The following MYO16 variants were observed in gnomAD, a reference collection of about 807,000 sequenced individuals.
MYO16 encodes the protein unconventional myosin-XVI.
MYO16 carries 94 observed loss-of-function variants against 205.3 expected under a neutral mutation model. The observed-to-expected ratio is 0.46, with a 90% CI of 0.39 to 0.54. The LOEUF is 0.54. MYO16 is among the 20% of genes least tolerant of loss of function. MYO16 has a pLI of 0.00. For synonymous variants in MYO16, 988 were observed against 954.0 expected, an observed-to-expected ratio of 1.04 and a Z score of -0.66; for missense variants, 2,315 against 2,387.5, an observed-to-expected ratio of 0.97 and a Z score of 0.63.
At chr13:108,646,967 C>T (rs1880782310) in intron 1 of MYO16, among the ~76,000 whole-genome samples, 1 of 152,040 alleles carries the variant, frequency 6.6e-6, no homozygotes, top group South Asian at 2.1e-4. Flanking sequence ...TCAGCGAACA[C>T]TATATATATG....
chr13:108,935,742 C>T (rs941390028), intron 16 of MYO16, among the ~76,000 whole-genome samples: 7 of 151,732 alleles, frequency 4.6e-5, no homozygotes, highest in East Asian at 1.9e-4. Flanking sequence ...CTGTTCAGTA[C>T]GATGTTGGCT....
chr13:108,579,119 A>C, the MYO16 span, among the ~76,000 whole-genome samples: 4 of 152,262 alleles, frequency 2.6e-5, no homozygotes, highest in African/African-American at 9.6e-5. Flanking sequence ...TGGCATCTTC[A>C]AAGGCTGCTT....
chr13:108,758,662 T>G (rs377202999), intron 4 of MYO16, among the ~76,000 whole-genome samples: 1 of 152,170 alleles, frequency 6.6e-6, no homozygotes, highest in Non-Finnish European at 1.5e-5. Flanking sequence ...TAGATGACAG[T>G]GTATGTTTTA....
Position 109,052,426 on chromosome 13 carries a change from C to T in MYO16, c.2999C>T (p.Thr1000Ile), listed in dbSNP as rs1221684679. 1.2e-6 allele frequency: 2 copies of T among 1,612,106 alleles called. No homozygotes were observed. The highest frequency in any genetic ancestry group is 1.7e-5 in the Admixed American group (1 of 59,854). The change falls in exon 25 of 35, where the codon ACA becomes ATA. Residue 1000 changes from threonine (T) to isoleucine (I), a missense_variant. Physicochemically the swap from Thr to Ile is moderately conservative, Grantham distance 89. Around this residue, in one of 3 missense-constraint regions of MYO16, gnomAD observed 1,213 missense variants for 1,274.4 expected, o/e 0.95. Coordinates refer to ENST00000457511, the MANE Select transcript of MYO16 (RefSeq NM_001198950.3). ...TCTGCCCTGCTCAGTAAGAAAATGA[C>T]AGCTTCTTCAATTATTGGAGAAAAC... The part of the protein sequence containing the change: ...HKSALLSKKM[T>I]ASSIIGENKN...
chr13:109,204,408 C>A (rs1880519185), intron 34 of MYO16, among the ~76,000 whole-genome samples: 1 of 152,092 alleles, frequency 6.6e-6, no homozygotes, highest in African/African-American at 2.4e-5. Context: ...TGTTCCATGT[C>A]CACACTAATG....
chr13:108,734,812 G>T (rs1467952575), intron 4 of MYO16, among the ~76,000 whole-genome samples: 1 of 152,218 alleles, frequency 6.6e-6, no homozygotes, highest in Non-Finnish European at 1.5e-5. Context: ...CATGGTGTGG[G>T]CAGGGCCTCT....
At chr13:109,048,450 C>A (rs1213890500) in intron 24 of MYO16, 5 of 590,176 alleles carry the variant, frequency 8.5e-6, no homozygotes, top group Non-Finnish European at 1.6e-5. Context: ...ATATTTTAGA[C>A]CTTGTGCACC....
rs751811819 is a variant in MYO16, at chr13:108,727,459, C to T, written c.383C>T (p.Ala128Val). ...TTTTAGTGTGCTCGGTATGATAATGCCTTCATTGCAGAAATTCTGATTGAC... is the reference window on the plus strand; with the variant it reads ...TTTTAGTGTGCTCGGTATGATAATGTCTTCATTGCAGAAATTCTGATTGAC... ...LLHLCARYDN[A>V]FIAEILIDRG... The change falls in exon 4 of 35, where the codon GCC becomes GTC. Residue 128 changes from alanine to valine, a missense_variant. Transcript: ENST00000457511. The T allele has an allele frequency of 1.2e-6, 2 of 1,613,608 alleles. No individual in the cohort carries two copies. The highest frequency in any genetic ancestry group is 2.2e-5 in the East Asian group (1 of 44,846).
chr13:108,598,253 A>C (rs1276896602), intron 1 of MYO16, among the ~76,000 whole-genome samples: 2 of 152,184 alleles, frequency 1.3e-5, no homozygotes, highest in Admixed American at 1.3e-4. Flanking sequence ...AGTCGCTGAC[A>C]CTCTAGTGGT....
At chr13:108,973,181 G>A (rs955982598) in intron 20 of MYO16, among the ~76,000 whole-genome samples, 1 of 151,798 alleles carries the variant, frequency 6.6e-6, no homozygotes, top group Non-Finnish European at 1.5e-5. Flanking sequence ...AGTCGAAACT[G>A]ATTATGGAGG....
rs1338780673 is a variant in MYO16 at position 109,046,845 on chromosome 13, A to T, written c.2797-71A>T. On this transcript the variant is annotated intron_variant, in intron 23 of 34. Coordinates refer to ENST00000457511, the MANE Select transcript of MYO16 (RefSeq NM_001198950.3). ...TTGAAAACTTCAGCTGGGTCAAGTT[A>T]TCCTTTAAAGGAATTTATTTTCACA... 6 of 1,306,502 alleles carry T rather than the reference A, an allele frequency of 4.6e-6. No homozygotes were observed. The African/African-American group carries it at 7.4e-5, about 16-fold the overall frequency. 80.9% of individuals were successfully genotyped at this position (1,306,502 alleles called of 1,614,324 possible).
chr13:108,701,462 T>C (rs1883304544), intron 2 of MYO16, among the ~76,000 whole-genome samples: 1 of 152,154 alleles, frequency 6.6e-6, no homozygotes, highest in African/African-American at 2.4e-5. Flanking sequence ...CCTCCCCTTC[T>C]TCCTACCTTA....
In MYO16 at chr13:109,140,441, C is replaced by T. The variant is rs755829865; in HGVS notation, c.4229C>T (p.Thr1410Ile). 5 of 1,553,702 alleles carry T rather than the reference C, an allele frequency of 3.2e-6. No individual in the cohort carries two copies. The highest frequency in any genetic ancestry group is 4.3e-6 in the Non-Finnish European group (5 of 1,157,162). The part of the protein sequence containing the change: ...GAPGAAARVL[T>I]PGTPQCALPP... Reference sequence around the variant, plus strand: ...CCGGGGGCAGCAGCGCGCGTTCTGACCCCCGGGACTCCGCAGTGCGCGCTG... The same window carrying T: ...CCGGGGGCAGCAGCGCGCGTTCTGATCCCCGGGACTCCGCAGTGCGCGCTG... The change falls in exon 32 of 35, where the codon ACC becomes ATC. Residue 1410 changes from threonine (T) to isoleucine (I), a missense_variant. Thr to Ile is a moderately conservative substitution (Grantham distance 89). This residue lies in a region of MYO16 where 1,097 missense variants were observed against 1,092.0 expected (regional missense o/e 1.00). Coordinates refer to ENST00000457511, the MANE Select transcript of MYO16 (RefSeq NM_001198950.3). This position sits in a 1 kb window ranked among gnomAD's most constrained non-coding sequence, Gnocchi z 8.0.
At chr13:108,728,850 T>A (rs1419416697) in intron 4 of MYO16, among the ~76,000 whole-genome samples, 3 of 152,212 alleles carry the variant, frequency 2.0e-5, no homozygotes, top group African/African-American at 2.4e-5. Context: ...ATACTGCCCC[T>A]CTTCCCCCCC....
chr13:108,599,322 A>G (rs1878677861), intron 1 of MYO16, among the ~76,000 whole-genome samples: 3 of 148,300 alleles, frequency 2.0e-5, no homozygotes, highest in African/African-American at 7.5e-5. Flanking sequence ...GTGTCTTTAT[A>G]GCAGCATGAT....
intron 6 of MYO16, among the ~76,000 whole-genome samples, chr13:108,800,019 C>A (rs932828143): frequency 1.3e-5 from 2 of 152,056 alleles, no homozygotes; most frequent in South Asian, 2.1e-4. Flanking sequence ...CCCACCCGCC[C>A]GCCATCATCA....
At chr13:108,562,355 G>A in the MYO16 span, among the ~76,000 whole-genome samples, 1 of 152,052 alleles carries the variant, frequency 6.6e-6, no homozygotes, top group African/African-American at 2.4e-5. Flanking sequence ...TTCAACATAT[G>A]AATTTTTTAG....
the MYO16 span, among the ~76,000 whole-genome samples, chr13:108,507,683 C>T: frequency 6.6e-6 from 1 of 152,062 alleles, no homozygotes; most frequent in Non-Finnish European, 1.5e-5. Flanking sequence ...AGTTTCCAGC[C>T]ATTATTTATT....
intron 4 of MYO16, among the ~76,000 whole-genome samples, chr13:108,761,910 T>C (rs1236954701): frequency 6.6e-6 from 1 of 152,222 alleles, no homozygotes; most frequent in African/African-American, 2.4e-5. Flanking sequence ...CTACATACAT[T>C]GATTTCATAG....
Sources: gnomAD v4.1 joint callset for allele counts (sites outside exome capture counted in the v4.1 genomes callset) on GRCh38, gnomAD v4.1.1 for gene constraint, gnomAD v4.1.1 regional missense constraint, Gnocchi (gnomAD v3.1) non-coding constraint, MANE v1.5 for transcripts, NCBI Gene and HGNC (gene_info 2026-07-23, HGNC 2026-07-21) for gene names.